The following CACNA1C variants were observed in gnomAD, a reference collection of about 807,000 sequenced individuals.
CACNA1C encodes the protein calcium voltage-gated channel subunit alpha1 C.
A neutral mutation model predicts 229.0 loss-of-function variants in CACNA1C; 30 were observed. That is an observed-to-expected ratio of 0.13 (90% CI 0.10 to 0.18). The LOEUF is 0.18. Ranked by LOEUF, CACNA1C falls within the 10% of genes least tolerant of loss-of-function variation. The pLI, the probability that CACNA1C is intolerant of heterozygous loss-of-function variation, is 1.00. For missense variants in CACNA1C, 1,658 were observed against 2,845.0 expected (o/e 0.58, Z 9.49); for synonymous variants, 1,114 against 1,132.5 (o/e 0.98, Z 0.33).
At chr12:2,168,364 G>C (rs2096333951) in intron 3 of CACNA1C, among the ~76,000 whole-genome samples, 1 of 152,198 alleles carries the variant, frequency 6.6e-6, no homozygotes, top group Non-Finnish European at 1.5e-5. Context: ...GGTTGAACTA[G>C]ATGATCATTA....
chr12:2,585,021 T>C lies in CACNA1C; in HGVS notation c.2340-355T>C, dbSNP rs528866428. Among the ~76,000 whole-genome samples the C allele has an allele frequency of 6.6e-6, 1 of 152,088 alleles. No homozygotes were observed. Among genetic ancestry groups the C allele is most frequent in the Non-Finnish European group, 1.5e-5 (1 of 68,012 alleles). On this transcript the variant is annotated intron_variant, in intron 16 of 46. Coordinates refer to ENST00000399655, the MANE Select transcript of CACNA1C (RefSeq NM_000719.7). This position sits in a 1 kb window ranked among gnomAD's most constrained non-coding sequence, Gnocchi z 4.1. Reference sequence around the variant, plus strand: ...AGGCAAGACGGGGCCCTATGTTGTATCCTATCATTATCTAGACGGGACAGT... The same window carrying C: ...AGGCAAGACGGGGCCCTATGTTGTACCCTATCATTATCTAGACGGGACAGT...
chr12:2,388,890 G>T (rs1233628536), intron 3 of CACNA1C, among the ~76,000 whole-genome samples: 1 of 152,248 alleles, frequency 6.6e-6, no homozygotes, highest in Non-Finnish European at 1.5e-5. Context: ...GAGTGCAGTT[G>T]TCTAGGAGTC....
At chr12:2,442,944 A>G (rs999763071) in intron 3 of CACNA1C, among the ~76,000 whole-genome samples, 1 of 152,202 alleles carries the variant, frequency 6.6e-6, no homozygotes, top group Non-Finnish European at 1.5e-5. Flanking sequence ...AGGGATTACA[A>G]TTGAACATGA....
intron 1 of CACNA1C, among the ~76,000 whole-genome samples, chr12:1,975,807 T>C (rs1454869404): frequency 6.6e-6 from 1 of 152,180 alleles, no homozygotes; most frequent in Non-Finnish European, 1.5e-5. Flanking sequence ...CACCTCAGCA[T>C]GTCAGATTGT....
chr12:2,136,074 G>A (rs953186813), intron 3 of CACNA1C, among the ~76,000 whole-genome samples: 1 of 151,094 alleles, frequency 6.6e-6, no homozygotes, highest in African/African-American at 2.4e-5. Flanking sequence ...AATTTTCCAG[G>A]TGCGTCCGTC....
At chr12:2,393,626 C>T (rs1394568624) in intron 3 of CACNA1C, among the ~76,000 whole-genome samples, 1 of 152,236 alleles carries the variant, frequency 6.6e-6, no homozygotes, top group Non-Finnish European at 1.5e-5. Context: ...CAGGTTGTTG[C>T]AGAGATGAAA....
intron 1 of CACNA1C, among the ~76,000 whole-genome samples, chr12:1,997,541 T>C (rs2041234694): frequency 6.6e-6 from 1 of 152,052 alleles, no homozygotes; most frequent in Non-Finnish European, 1.5e-5. Flanking sequence ...AAAAGAAAAA[T>C]GATCAATGAA....
rs75761839 is a variant in CACNA1C, at chr12:2,040,045, C to A, written c.139+68844C>A. On this transcript the variant is annotated intron_variant, in intron 1 of 46. Transcript: ENST00000682462. ...TTTTTCTTTCAAGTCATCACCTCTT[C>A]ATTCAACTTGCTTTCCCATCCAGGT... Among the ~76,000 whole-genome samples the A allele has an allele frequency of 7.3e-3, 1,105 of 152,224 alleles. 13 individuals are homozygous for A. The highest frequency in any genetic ancestry group is 0.025 in the African/African-American group (1,046 of 41,520).
intron 26 of CACNA1C, 129 bp downstream of exon 26, chr12:2,607,259 A>G (rs753339538): frequency 7.0e-6 from 6 of 858,028 alleles, no homozygotes; most frequent in South Asian, 1.9e-5. Context: ...GGTCCTCCCC[A>G]GGCAGTGAGG....
chr12:2,068,707 G>A (rs912607266), intron 1 of CACNA1C, among the ~76,000 whole-genome samples: 77 of 152,262 alleles, frequency 5.1e-4, no homozygotes, highest in Admixed American at 5.2e-4. Context: ...GACGGCCCTC[G>A]TGGGAGTTGG....
At chr12:2,252,753 C>T (rs545461633) in intron 3 of CACNA1C, among the ~76,000 whole-genome samples, 57 of 152,214 alleles carry the variant, frequency 3.7e-4, no homozygotes, top group African/African-American at 1.3e-3. Flanking sequence ...CAAACCCCTT[C>T]TTTCTTTTTT....
intron 3 of CACNA1C, among the ~76,000 whole-genome samples, chr12:2,341,022 A>G (rs1444371017): frequency 1.3e-5 from 2 of 152,144 alleles, no homozygotes; most frequent in East Asian, 1.9e-4. Context: ...GGCACCTTCA[A>G]CACTCCCTAG....
At chr12:2,290,673 A>G (rs1054682730) in intron 3 of CACNA1C, among the ~76,000 whole-genome samples, 3 of 151,908 alleles carry the variant, frequency 2.0e-5, no homozygotes, top group African/African-American at 4.8e-5. Flanking sequence ...AGAGACATAC[A>G]CTCGGGGCTG....
chr12:2,130,384 T>C (rs1168019861), intron 3 of CACNA1C, among the ~76,000 whole-genome samples: 17 of 145,698 alleles, frequency 1.2e-4, no homozygotes, highest in South Asian at 2.3e-4. Flanking sequence ...ACATGTGCCA[T>C]GCTGGTGCGC....
chr12:2,556,839 A>G, intron 10 of CACNA1C, 112 bp from the exon 11 acceptor site: 1 of 848,514 alleles, frequency 1.2e-6, no homozygotes, highest in Non-Finnish European at 2.1e-6. Flanking sequence ...GCCTCCTTCC[A>G]GCACCCACAC....
intron 7 of CACNA1C, among the ~76,000 whole-genome samples, chr12:2,495,034 G>A (rs2099743847): frequency 6.6e-6 from 1 of 152,210 alleles, no homozygotes; most frequent in African/African-American, 2.4e-5. Context: ...CCATGCCGCG[G>A]CAAAGCTGCT....
intron 1 of CACNA1C, among the ~76,000 whole-genome samples, chr12:2,106,244 G>A (rs2078463327): frequency 1.9e-5 from 1 of 53,314 alleles, no homozygotes; most frequent in African/African-American, 5.8e-5. Flanking sequence ...CACCTGAGCT[G>A]GGCGTCCTGA....
intron 3 of CACNA1C, among the ~76,000 whole-genome samples, chr12:2,187,422 T>C (rs2097071464): frequency 1.3e-5 from 2 of 151,950 alleles, no homozygotes; most frequent in South Asian, 4.2e-4. Flanking sequence ...GGAACTGAGG[T>C]GGGGCGGTGG....
rs57191390 is a variant in CACNA1C, at chr12:2,358,251, CTGTGTGTGTGTGTGTGTGTG to C, written c.478-90687_478-90668del. ...CTGGCCTAAAAGAAGCGGCGTCCTC[CTGTGTGTGTGTGTGTGTGTG>C]TGTGTGTGTGTGTGTGTGTGTGTGT... On this transcript the variant is annotated intron_variant, in intron 3 of 46. Transcript: ENST00000399655. Among the ~76,000 whole-genome samples, 600 of 136,108 alleles carry C rather than the reference CTGTGTGTGTGTGTGTGTGTG, an allele frequency of 4.4e-3. 2 individuals are homozygous for C. Among genetic ancestry groups the C allele is most frequent in the Middle Eastern group, 7.5e-3 (2 of 266 alleles). The allele number at this position is 136,108 out of a possible 152,430, so 89.3% of individuals were successfully genotyped here. A position where few individuals can be genotyped will look rare whatever the true frequency, so the allele number is the denominator to read the frequency against.
Sources: gnomAD v4.1 joint callset for allele counts (sites outside exome capture counted in the v4.1 genomes callset) on GRCh38, gnomAD v4.1.1 for gene constraint, Gnocchi (gnomAD v3.1) non-coding constraint, MANE v1.5 for transcripts, NCBI Gene and HGNC (gene_info 2026-07-23, HGNC 2026-07-21) for gene names.